Variants in SLC6A5 observed in about 807,000 individuals in gnomAD.
SLC6A5 encodes solute carrier family 6 member 5, also known as sodium- and chloride-dependent glycine transporter 2.
A neutral mutation model predicts 90.5 loss-of-function variants in SLC6A5; 58 were observed. That is an observed-to-expected ratio of 0.64 (90% CI 0.52 to 0.80). The LOEUF (loss-of-function observed/expected upper bound fraction) is 0.80, where lower values mean the gene tolerates loss of function less well. Among genes scored for constraint, SLC6A5 ranks in the 30% least tolerant of loss-of-function variants. SLC6A5 has a pLI of 0.00. For synonymous variants in SLC6A5, 427 were observed against 401.4 expected (o/e 1.06, Z -0.76); for missense variants, 1,015 against 1,017.6 (o/e 1.00, Z 0.03).
chr11:20,606,035 G>A (rs1389534877), intron 3 of SLC6A5, among the ~76,000 whole-genome samples: 1 of 152,218 alleles, frequency 6.6e-6, no homozygotes, highest in Admixed American at 6.5e-5. Context: ...CTCCGCTGAG[G>A]CCAGTGTTCT....
intron 13 of SLC6A5, among the ~76,000 whole-genome samples, chr11:20,642,310 C>A (rs1234305297): frequency 2.0e-5 from 3 of 151,758 alleles, no homozygotes; most frequent in Non-Finnish European, 4.4e-5. Context: ...GAGGCAAAAG[C>A]CACAAAGGTG....
In SLC6A5 at chr11:20,625,296, T is replaced by C. The variant is rs541219028; in HGVS notation, c.1261-1412T>C. On this transcript the variant is annotated intron_variant, in intron 7 of 15. Transcript: ENST00000525748. ...TTTCTTTTGAGATGGAGTTTTGCTC[T>C]TGTCACCCAGTCTGGAGTGCAATGG... 2.6e-5 allele frequency among the ~76,000 whole-genome samples: 4 copies of C among 152,260 alleles called. No individual in the cohort carries two copies. In the East Asian group the frequency reaches 7.7e-4, roughly 29 times the overall value.
At chr11:20,635,122 C>T (rs1253080265) in intron 10 of SLC6A5, among the ~76,000 whole-genome samples, 1 of 152,058 alleles carries the variant, frequency 6.6e-6, no homozygotes, top group Admixed American at 6.6e-5. Context: ...CTTCCAAGTT[C>T]ATAGTCCACT....
chr11:20,615,681 T>C (rs1470649094), intron 6 of SLC6A5, among the ~76,000 whole-genome samples: 4 of 152,198 alleles, frequency 2.6e-5, no homozygotes, highest in African/African-American at 9.6e-5. Context: ...AATTATGTCT[T>C]AAGGGAGATA....
chr11:20,638,488 C>A lies in SLC6A5; in HGVS notation c.1899C>A (p.Asp633Glu). The change falls in exon 13 of 16, where the codon GAC (aspartate) becomes GAA (glutamate). Residue 633 changes from aspartate (D) to glutamate (E), a missense_variant. Physicochemically the swap from Asp to Glu is conservative, Grantham distance 45. Around this residue, in one of 3 missense-constraint regions of SLC6A5, gnomAD observed 442 missense variants for 494.3 expected, o/e 0.89. Coordinates refer to ENST00000525748, the MANE Select transcript of SLC6A5 (RefSeq NM_004211.5). ...QGGIYMFQLVDTYAASYALVI... is the reference protein window; with the variant it reads ...QGGIYMFQLVETYAASYALVI... ...GAATTTACATGTTTCAGCTTGTGGA[C>A]ACCTATGCTGCCTCCTATGCCCTTG... 1 of 1,612,954 alleles carries A rather than the reference C, an allele frequency of 6.2e-7. No homozygotes were observed. The highest frequency in any genetic ancestry group is 8.5e-7 in the Non-Finnish European group (1 of 1,179,006).
At position 20,657,796 on chromosome 11, in the gene SLC6A5, G is replaced by GA. The variant is rs1323093278; in HGVS notation, c.*2934dup. On this transcript the variant is annotated 3_prime_UTR_variant, in exon 16 of 16. Transcript: ENST00000525748. ...GTAATCCTGTCATATCCTTAGAGGA[G>GA]AAAAAATGTATATTTCTTAACAAGT... 4.6e-5 allele frequency: 7 copies of GA among 152,184 alleles called. No individual in the cohort carries two copies. The East Asian group carries it at 5.8e-4, about 13-fold the overall frequency. 9.4% of individuals were successfully genotyped at this position (152,184 alleles called of 1,614,324 possible).
rs765415133 is a variant in SLC6A5 at position 20,626,696 on chromosome 11, T to C, written c.1261-12T>C. The C allele has an allele frequency of 1.3e-5, 21 of 1,613,830 alleles. No individual in the cohort carries two copies. The African/African-American group carries it at 2.5e-4, about 19-fold the overall frequency. ...CTGCTTCTTCCAGCCCCTCTGCCCA[T>C]GGCTTTTCTAGGTGGTGTACTTCAC... On this transcript the variant is annotated splice_polypyrimidine_tract_variant and intron_variant, in intron 7 of 15. Coordinates refer to ENST00000525748, the MANE Select transcript of SLC6A5 (RefSeq NM_004211.5).
At chr11:20,614,096 C>T (rs1289405112) in intron 5 of SLC6A5, among the ~76,000 whole-genome samples, 1 of 152,204 alleles carries the variant, frequency 6.6e-6, no homozygotes, top group Non-Finnish European at 1.5e-5. Flanking sequence ...AAGTACACAG[C>T]ACGTGTATCC....
At chr11:20,644,944 T>C (rs905583906) in intron 13 of SLC6A5, among the ~76,000 whole-genome samples, 1 of 151,970 alleles carries the variant, frequency 6.6e-6, no homozygotes, top group Non-Finnish European at 1.5e-5. Context: ...CCCAAGTAGC[T>C]GGGATTACAG....
intron 12 of SLC6A5, 62 bp from the exon 13 acceptor site, chr11:20,638,397 G>T (rs1159930339): frequency 1.0e-6 from 1 of 1,004,020 alleles, no homozygotes; most frequent in East Asian, 2.4e-5. Flanking sequence ...GCTGTTAAAC[G>T]TGGGAAGAGA....
chr11:20,652,775 TCA>T (rs1335670808), intron 15 of SLC6A5, among the ~76,000 whole-genome samples: 1 of 152,164 alleles, frequency 6.6e-6, no homozygotes, highest in African/African-American at 2.4e-5. Flanking sequence ...AGTTTAAATC[TCA>T]GTGTTTTGTT....
chr11:20,601,300 G>A lies in SLC6A5; in HGVS notation c.175G>A (p.Ala59Thr), dbSNP rs1445282447. The change falls in exon 2 of 16, where the codon GCC (alanine) becomes ACC (threonine). Residue 59 changes from alanine (A) to threonine (T), a missense_variant. Physicochemically the swap from Ala to Thr is moderately conservative, Grantham distance 58. Around this residue, in one of 3 missense-constraint regions of SLC6A5, gnomAD observed 567 missense variants for 507.3 expected, o/e 1.12. Coordinates refer to ENST00000525748, the MANE Select transcript of SLC6A5 (RefSeq NM_004211.5). ...TGTGCCCAGGTCCGCTTCCACCGGC[G>A]CCCAAACTTTCCAGTCAGCGGACGC... ...PRVPRSASTG[A>T]QTFQSADARA... is the part of the protein sequence containing the mutation. 18 of 1,590,982 alleles carry A rather than the reference G, an allele frequency of 1.1e-5. No homozygotes were observed. The highest frequency in any genetic ancestry group is 1.4e-5 in the Non-Finnish European group (17 of 1,173,978).
chr11:20,626,397 C>T (rs1400153956), intron 7 of SLC6A5, among the ~76,000 whole-genome samples: 2 of 152,100 alleles, frequency 1.3e-5, no homozygotes, highest in African/African-American at 4.8e-5. Context: ...CCCTCCTTCT[C>T]TCTGTGGTCC....
Position 20,638,348 on chromosome 11 carries a change from C to G in SLC6A5, c.1870-111C>G. The stretch of plus-strand genomic sequence containing the variant: ...TGAGAGGAGGGGAGATGCATGGACT[C>G]CTGTTTGCACCTGACTCTTTTTAGG... On this transcript the variant is annotated intron_variant, in intron 12 of 15. Transcript: ENST00000525748. 4 of 753,898 alleles carry G rather than the reference C, an allele frequency of 5.3e-6. No homozygotes were observed. In the Admixed American group the frequency reaches 7.0e-5, roughly 13 times the overall value. The allele number at this position is 753,898 out of a possible 1,614,324, so 46.7% of individuals were successfully genotyped here.
Position 20,656,264 on chromosome 11 carries a change from T to C in SLC6A5, c.*1396T>C, listed in dbSNP as rs1397168394. 1 of 152,246 alleles carries C rather than the reference T, an allele frequency of 6.6e-6. No homozygotes were observed. Among genetic ancestry groups the C allele is most frequent in the Non-Finnish European group, 1.5e-5 (1 of 68,052 alleles). 9.4% of individuals were successfully genotyped at this position (152,246 alleles called of 1,614,324 possible). A position where few individuals can be genotyped will look rare whatever the true frequency, so the allele number is the denominator to read the frequency against. On this transcript the variant is annotated 3_prime_UTR_variant, in exon 16 of 16. Coordinates refer to ENST00000525748, the MANE Select transcript of SLC6A5 (RefSeq NM_004211.5). ...GTGGTGTTTTCTGTCCTTATAAATA[T>C]CTTTTGAATTCTGTAGAGATGGTGA...
rs368287325 is a variant in SLC6A5 at position 20,607,464 on chromosome 11, T to C, written c.812-15T>C. 12 of 1,613,954 alleles carry C rather than the reference T, an allele frequency of 7.4e-6. No homozygotes were observed. In the African/African-American group the frequency reaches 1.5e-4, roughly 20 times the overall value. ...TTTAAGATGGAATGAACCCCTGGAA[T>C]TTTTGCTTCTGCAGGCTGTGGCATC... is the stretch of plus-strand genomic sequence containing the variant. On this transcript the variant is annotated splice_polypyrimidine_tract_variant and intron_variant, in intron 4 of 15. Transcript: ENST00000525748.
chr11:20,625,007 A>C (rs753584353), intron 7 of SLC6A5, among the ~76,000 whole-genome samples: 9 of 152,146 alleles, frequency 5.9e-5, no homozygotes, highest in Non-Finnish European at 1.2e-4. Context: ...CAGAGAGGTT[A>C]AGTTGCTGCC....
rs11025664 is a variant in SLC6A5, at chr11:20,626,474, G to A, written c.1261-234G>A. ...TCCCCCAGCCTTCTGGCTGTAGGCC[G>A]ACTCACCCCACAGCCTTGGGTCTCT... On this transcript the variant is annotated intron_variant, in intron 7 of 15. Transcript: ENST00000525748. Among the ~76,000 whole-genome samples, 20,051 of 152,004 alleles carry A rather than the reference G, an allele frequency of 0.13. 1,980 individuals carry two copies. The highest frequency in any genetic ancestry group is 0.58 in the East Asian group (2,985 of 5,136).
rs1271794724 is a variant in SLC6A5, at chr11:20,622,034, GAGA to G, written c.1260+4153_1260+4155del. 1.3e-5 allele frequency among the ~76,000 whole-genome samples: 2 copies of G among 152,222 alleles called. 1 individual carries two copies. ...ACCACCTGTTCAGGGGTCCCATGGT[GAGA>G]AGGATGCCTGGAGGTGTCAGGCCAA... On this transcript the variant is annotated intron_variant, in intron 7 of 15. Coordinates refer to ENST00000525748, the MANE Select transcript of SLC6A5 (RefSeq NM_004211.5).
Sources: allele counts gnomAD v4.1 joint callset (sites outside exome capture counted in the v4.1 genomes callset), GRCh38; gene constraint gnomAD v4.1.1; regional missense constraint gnomAD v4.1.1; transcripts MANE v1.5; gene names NCBI Gene and HGNC (gene_info 2026-07-23, HGNC 2026-07-21).